SLIT1: variants seen among roughly 807,000 people sequenced by gnomAD.
SLIT1 encodes the protein slit homolog 1 protein.
SLIT1 carries 66 observed loss-of-function variants against 186.1 expected under a neutral mutation model. The ratio of observed to expected loss-of-function variants is 0.35; its 90% CI spans 0.29 to 0.44. The LOEUF is 0.44. SLIT1 is among the 20% of genes least tolerant of loss of function. The probability of loss-of-function intolerance (pLI) is 1.00; values close to 1 mark genes in which losing one functional copy is unlikely to be tolerated. For missense variants in SLIT1, 1,638 were observed against 2,037.4 expected (o/e 0.80, Z 3.77); for synonymous variants, 761 against 833.8 (o/e 0.91, Z 1.50).
At chr10:97,003,082 T>C in intron 34 of SLIT1, 90 bp from the exon 35 acceptor site, 1 of 1,291,492 alleles carries the variant, frequency 7.7e-7, no homozygotes, top group East Asian at 2.3e-5. Context: ...TCCATGGCCT[T>C]CCCTCTTGCC....
chr10:97,134,616 C>A (rs1459271194), intron 4 of SLIT1, among the ~76,000 whole-genome samples: 2 of 152,194 alleles, frequency 1.3e-5, no homozygotes, highest in African/African-American at 2.4e-5. Flanking sequence ...TCTCTCTGAG[C>A]CCATCCCTGG....
intron 4 of SLIT1, among the ~76,000 whole-genome samples, chr10:97,095,551 C>G (rs759831918): frequency 6.6e-6 from 1 of 152,140 alleles, no homozygotes; most frequent in Non-Finnish European, 1.5e-5. Flanking sequence ...GACTGAATCC[C>G]GTGCCAGGGA....
chr10:97,072,959 A>C (rs1436776725), intron 4 of SLIT1, among the ~76,000 whole-genome samples: 2 of 152,210 alleles, frequency 1.3e-5, no homozygotes, highest in African/African-American at 4.8e-5. Flanking sequence ...CATTCAAGAA[A>C]TGCGGGCTGT....
At chr10:97,154,974 G>A (rs1203484748) in intron 4 of SLIT1, 1 of 152,194 alleles carries the variant, frequency 6.6e-6, no homozygotes, top group South Asian at 2.1e-4. Flanking sequence ...TTTCCAACCT[G>A]TCTCGCTGGC....
intron 4 of SLIT1, among the ~76,000 whole-genome samples, chr10:97,073,620 G>A (rs1288376169): frequency 6.6e-6 from 1 of 152,192 alleles, no homozygotes; most frequent in African/African-American, 2.4e-5. Flanking sequence ...GCGGGACAAG[G>A]TCCCAGACTT....
chr10:97,179,809 C>CG (rs929792475), intron 1 of SLIT1, among the ~76,000 whole-genome samples: 4 of 151,030 alleles, frequency 2.6e-5, no homozygotes, highest in East Asian at 2.0e-4. Flanking sequence ...CTCCCCGCCC[C>CG]CCGGCACAGC....
At chr10:97,032,841 C>T (rs1848604219) in intron 23 of SLIT1, among the ~76,000 whole-genome samples, 1 of 152,214 alleles carries the variant, frequency 6.6e-6, no homozygotes, top group African/African-American at 2.4e-5. Flanking sequence ...GCTACCGGCA[C>T]ATGCAACACC....
chr10:97,164,840 C>T lies in SLIT1; in HGVS notation c.248G>A (p.Gly83Glu), dbSNP rs763671025. The change falls in exon 2 of 37, where the codon GGG (glycine) becomes GAG (glutamate). Residue 83 changes from glycine (G) to glutamate (E), a missense_variant. Physicochemically the swap from Gly to Glu is moderately conservative, Grantham distance 98. Transcript: ENST00000266058. The part of the protein sequence containing the change: ...ITRIHKNDFA[G>E]LKQLRVLQLM... ...TCACAGCACCCGCAGCTGCTTGAGC[C>T]CCGCAAAGTCATTCTTATGGATCCG... 1 of 1,613,554 alleles carries T rather than the reference C, an allele frequency of 6.2e-7. No homozygotes were observed. The highest frequency in any genetic ancestry group is 1.1e-5 in the South Asian group (1 of 91,052).
At chr10:97,177,980 AAAAC>A (rs546716820) in intron 1 of SLIT1, among the ~76,000 whole-genome samples, 8 of 152,162 alleles carry the variant, frequency 5.3e-5, no homozygotes, top group Admixed American at 1.3e-4. Context: ...CCATCTCAAA[AAAAC>A]AAACAAACAA....
chr10:97,073,157 C>T (rs1849015956), intron 4 of SLIT1, among the ~76,000 whole-genome samples: 2 of 152,176 alleles, frequency 1.3e-5, no homozygotes, highest in South Asian at 4.1e-4. Context: ...ATACTTGTCT[C>T]ATCTTTCCCA....
chr10:97,153,735 C>T (rs1481948395), intron 4 of SLIT1: 1 of 152,050 alleles, frequency 6.6e-6, no homozygotes, highest in South Asian at 2.1e-4. Flanking sequence ...ATCTGAGCTC[C>T]GAGGTCACAG....
chr10:97,109,845 G>A (rs1163805148), intron 4 of SLIT1, among the ~76,000 whole-genome samples: 1 of 152,200 alleles, frequency 6.6e-6, no homozygotes, highest in African/African-American at 2.4e-5. Flanking sequence ...AGCTGAGCCA[G>A]CGGGCAGACA....
chr10:97,140,512 C>T (rs1432370370), intron 4 of SLIT1, among the ~76,000 whole-genome samples: 3 of 152,204 alleles, frequency 2.0e-5, no homozygotes, highest in African/African-American at 2.4e-5. Context: ...CCTGGAGCCC[C>T]TCATTCTCCA....
chr10:97,053,859 A>G (rs1848812677), intron 13 of SLIT1, among the ~76,000 whole-genome samples: 1 of 152,196 alleles, frequency 6.6e-6, no homozygotes, highest in Non-Finnish European at 1.5e-5. Context: ...TAGAATTCTG[A>G]TATGGTTTGG....
intron 4 of SLIT1, among the ~76,000 whole-genome samples, chr10:97,123,044 C>T (rs978589272): frequency 6.6e-6 from 1 of 152,206 alleles, no homozygotes; most frequent in Non-Finnish European, 1.5e-5. Flanking sequence ...GGCCTTCAAA[C>T]ACCCTTCAAA....
intron 4 of SLIT1, among the ~76,000 whole-genome samples, chr10:97,125,592 A>C (rs557418590): frequency 6.9e-4 from 104 of 151,274 alleles, no homozygotes; most frequent in Non-Finnish European, 1.2e-3. Flanking sequence ...TAATCCCAGC[A>C]CTTTGGGAGG....
chr10:97,064,840 T>C lies in SLIT1; in HGVS notation c.522A>G (p.Glu174=). 1.2e-6 allele frequency: 2 copies of C among 1,612,466 alleles called. No homozygotes were observed. Among genetic ancestry groups the C allele is most frequent in the Admixed American group, 1.7e-5 (1 of 59,812 alleles). ...LDKNQISCIE[E]GAFRALRGLE... ...GCCCCCGCAGAGCACGGAAGGCCCC[T>C]TCCTCAATGCAGCTGATCTGGTTCT... Residue 174 remains glutamate (E), a synonymous_variant, in exon 6 of 37, where the codon GAA becomes GAG. Coordinates refer to ENST00000266058, the MANE Select transcript of SLIT1 (RefSeq NM_003061.3).
intron 25 of SLIT1, among the ~76,000 whole-genome samples, chr10:97,026,746 T>G (rs757246258): frequency 1.3e-4 from 20 of 152,180 alleles, no homozygotes; most frequent in Non-Finnish European, 2.5e-4. Context: ...GCTGGCTGAA[T>G]GGAAGATGAG....
intron 18 of SLIT1, among the ~76,000 whole-genome samples, chr10:97,046,129 G>A (rs1848731535): frequency 6.6e-6 from 1 of 152,120 alleles, no homozygotes; most frequent in African/African-American, 2.4e-5. Flanking sequence ...CAGCCCTCCT[G>A]GGGCAGATGG....
Sources: allele counts gnomAD v4.1 joint callset (sites outside exome capture counted in the v4.1 genomes callset), GRCh38; gene constraint gnomAD v4.1.1; transcripts MANE v1.5; gene names NCBI Gene and HGNC (gene_info 2026-07-23, HGNC 2026-07-21).